The following BICC1 variants were observed in gnomAD, a reference collection of about 807,000 sequenced individuals.
BICC1 encodes the protein protein bicaudal C homolog 1.
BICC1 carries 43 observed loss-of-function variants against 111.0 expected under a neutral mutation model. That is an observed-to-expected ratio of 0.39 (90% CI 0.30 to 0.50). The LOEUF is 0.50. Ranked by LOEUF, BICC1 falls within the 20% of genes least tolerant of loss-of-function variation. The probability of loss-of-function intolerance (pLI) is 0.88; values close to 1 mark genes in which losing one functional copy is unlikely to be tolerated. For synonymous variants in BICC1, 467 were observed against 434.4 expected, an observed-to-expected ratio of 1.07 and a Z score of -0.93; for missense variants, 1,091 against 1,203.2, an observed-to-expected ratio of 0.91 and a Z score of 1.38.
At chr10:58,579,971 A>T (rs946448052) in intron 1 of BICC1, among the ~76,000 whole-genome samples, 127 of 149,282 alleles carry the variant, frequency 8.5e-4, no homozygotes, top group South Asian at 2.7e-3. Context: ...TTTGCCCTAA[A>T]TTTTTTTTTT....
intron 1 of BICC1, among the ~76,000 whole-genome samples, chr10:58,550,290 A>G (rs1843261704): frequency 6.6e-6 from 1 of 152,124 alleles, no homozygotes; most frequent in Non-Finnish European, 1.5e-5. Flanking sequence ...CTAAAGTGCT[A>G]GGGCTACAGG....
intron 3 of BICC1, among the ~76,000 whole-genome samples, chr10:58,773,030 A>G (rs796920260): frequency 6.6e-6 from 1 of 152,350 alleles, no homozygotes; most frequent in African/African-American, 2.4e-5. Flanking sequence ...TCCAGTAATA[A>G]GCGTGATTAT....
intron 2 of BICC1, among the ~76,000 whole-genome samples, chr10:58,641,881 C>T (rs1838134011): frequency 6.6e-6 from 1 of 152,102 alleles, no homozygotes; most frequent in South Asian, 2.1e-4. Flanking sequence ...TTGTGATTCA[C>T]ATTGTGTTGG....
intron 1 of BICC1, among the ~76,000 whole-genome samples, chr10:58,584,814 GTGAC>G (rs1235880375): frequency 6.6e-6 from 1 of 151,688 alleles, no homozygotes; most frequent in Admixed American, 6.6e-5. Context: ...CACAATGACA[GTGAC>G]TGACAAAATG....
rs972442452 is a variant in BICC1, at chr10:58,604,421, G to A, written c.191-16434G>A. On this transcript the variant is annotated intron_variant, in intron 1 of 20. Transcript: ENST00000373886. ...GTGGTGGCTCATGCCTGTAATCCCA[G>A]CACTTTGGGAGGCCGAGGCGAGTGG... is the stretch of plus-strand genomic sequence containing the variant. Among the ~76,000 whole-genome samples, 3 of 152,258 alleles carry A rather than the reference G, an allele frequency of 2.0e-5. No individual in the cohort carries two copies. In the East Asian group the frequency reaches 5.8e-4, roughly 29 times the overall value.
intron 3 of BICC1, among the ~76,000 whole-genome samples, chr10:58,717,716 C>G (rs927858599): frequency 3.9e-5 from 6 of 152,144 alleles, no homozygotes; most frequent in East Asian, 1.9e-4. Context: ...TAGTTGCCTA[C>G]TTTTACACAT....
chr10:58,662,909 C>T (rs1279372346), intron 2 of BICC1, among the ~76,000 whole-genome samples: 1 of 152,086 alleles, frequency 6.6e-6, no homozygotes, highest in Non-Finnish European at 1.5e-5. Flanking sequence ...AGAACTCTTG[C>T]AACTAAAATA....
At chr10:58,669,254 A>C (rs1031420527) in intron 2 of BICC1, among the ~76,000 whole-genome samples, 1 of 152,012 alleles carries the variant, frequency 6.6e-6, no homozygotes, top group Non-Finnish European at 1.5e-5. Context: ...TAAGCGCACA[A>C]AAAGTTTTGG....
At chr10:58,702,230 T>C in intron 3 of BICC1, 87 bp downstream of exon 3, 1 of 986,080 alleles carries the variant, frequency 1.0e-6, no homozygotes, top group Non-Finnish European at 1.6e-6. Context: ...AAACTAACCT[T>C]TATTCTTAAC....
chr10:58,772,422 T>G (rs1842644085), intron 3 of BICC1, among the ~76,000 whole-genome samples: 2 of 152,206 alleles, frequency 1.3e-5, no homozygotes, highest in South Asian at 4.1e-4. Flanking sequence ...AAATTTGGTG[T>G]TGTCCTATTG....
At position 58,788,431 on chromosome 10, in the gene BICC1, T is replaced by G. The variant is rs1843075433; in HGVS notation, c.600+8T>G. ...GCCCGAGTTAGAATTCGGGTAACTA[T>G]TTATTACTTTAACATTGTAAATTGA... On this transcript the variant is annotated splice_region_variant and intron_variant, in intron 6 of 20. Transcript: ENST00000373886. 1 of 1,593,872 alleles carries G rather than the reference T, an allele frequency of 6.3e-7. No homozygotes were observed. The highest frequency in any genetic ancestry group is 8.6e-7 in the Non-Finnish European group (1 of 1,162,380).
chr10:58,557,341 C>T (rs551185371), intron 1 of BICC1, among the ~76,000 whole-genome samples: 5 of 118,558 alleles, frequency 4.2e-5, no homozygotes, highest in East Asian at 2.6e-4. Flanking sequence ...TATATGACAG[C>T]GTCTTTTTTT....
At chr10:58,827,380 G>A (rs1456168485) in intron 20 of BICC1, among the ~76,000 whole-genome samples, 2 of 152,174 alleles carry the variant, frequency 1.3e-5, no homozygotes, top group Non-Finnish European at 1.5e-5. Context: ...TGTTGTGCAC[G>A]ACTTCACAGA....
intron 3 of BICC1, among the ~76,000 whole-genome samples, chr10:58,706,522 A>G (rs1840391768): frequency 6.6e-6 from 1 of 152,134 alleles, no homozygotes; most frequent in South Asian, 2.1e-4. Context: ...ACGGTAAATG[A>G]TATGGTTTGG....
At chr10:58,589,208 T>C (rs1471941163) in intron 1 of BICC1, among the ~76,000 whole-genome samples, 1 of 152,138 alleles carries the variant, frequency 6.6e-6, no homozygotes, top group Non-Finnish European at 1.5e-5. Context: ...CTCTTTGCTC[T>C]TTTGCATTTC....
intron 1 of BICC1, among the ~76,000 whole-genome samples, chr10:58,556,618 G>A (rs1251030428): frequency 6.6e-6 from 1 of 151,978 alleles, no homozygotes; most frequent in Non-Finnish European, 1.5e-5. Context: ...GATTGCTCAT[G>A]AGTTTGTTTT....
intron 3 of BICC1, among the ~76,000 whole-genome samples, chr10:58,709,428 G>T (rs901232439): frequency 6.6e-6 from 1 of 152,226 alleles, no homozygotes; most frequent in African/African-American, 2.4e-5. Flanking sequence ...AGTAGGTCAT[G>T]ATATAAAATG....
intron 3 of BICC1, among the ~76,000 whole-genome samples, chr10:58,766,364 G>A (rs542092152): frequency 3.9e-4 from 60 of 152,284 alleles, no homozygotes; most frequent in African/African-American, 1.4e-3. Context: ...ACCCCCATGT[G>A]TGTATTTTTG....
intron 2 of BICC1, among the ~76,000 whole-genome samples, chr10:58,659,011 C>T (rs192852193): frequency 1.3e-5 from 2 of 151,896 alleles, no homozygotes; most frequent in East Asian, 3.9e-4. Context: ...TATACACGTA[C>T]GTATATCTAT....
Sources: gnomAD v4.1 joint callset for allele counts (sites outside exome capture counted in the v4.1 genomes callset) on GRCh38, gnomAD v4.1.1 for gene constraint, MANE v1.5 for transcripts, NCBI Gene and HGNC (gene_info 2026-07-23, HGNC 2026-07-21) for gene names.